Variants in NTM observed in about 807,000 individuals in gnomAD.
NTM encodes neurotrimin, also known as IgLON family member 2.
NTM carries 13 observed loss-of-function variants against 42.1 expected under a neutral mutation model. That is an observed-to-expected ratio of 0.31 (90% CI 0.20 to 0.49). The LOEUF (loss-of-function observed/expected upper bound fraction) is 0.49. NTM is among the 20% of genes least tolerant of loss of function. The pLI is 0.99. For synonymous variants in NTM, 187 were observed against 179.2 expected (o/e 1.04, Z -0.35); for missense variants, 373 against 452.8 (o/e 0.82, Z 1.60).
intron 3 of NTM, among the ~76,000 whole-genome samples, chr11:132,183,169 A>G (rs930099860): frequency 6.6e-6 from 1 of 152,196 alleles, no homozygotes; most frequent in Non-Finnish European, 1.5e-5. Flanking sequence ...AGACCAGCAC[A>G]TAGTAGTTGC....
At chr11:131,889,533 T>TA (rs546556194) in intron 1 of NTM, among the ~76,000 whole-genome samples, 8 of 151,656 alleles carry the variant, frequency 5.3e-5, no homozygotes, top group South Asian at 4.2e-4. Context: ...TGTGGGCCTT[T>TA]AAAAAAAAAT....
chr11:131,994,017 AAAG>A (rs58021603), intron 2 of NTM, among the ~76,000 whole-genome samples: 88 of 138,010 alleles, frequency 6.4e-4, no homozygotes, highest in East Asian at 2.7e-3. Flanking sequence ...AAAAAAAAAA[AAAG>A]AAGAAGAAGA....
At chr11:131,702,193 A>T (rs2076146121) in intron 1 of NTM, among the ~76,000 whole-genome samples, 1 of 152,104 alleles carries the variant, frequency 6.6e-6, no homozygotes, top group Admixed American at 6.5e-5. Flanking sequence ...TTCACCAGGG[A>T]TCGGCCCACA....
intron 1 of NTM, among the ~76,000 whole-genome samples, chr11:131,401,274 G>A (rs1418589479): frequency 6.6e-6 from 1 of 152,144 alleles, no homozygotes; most frequent in East Asian, 1.9e-4. Flanking sequence ...CCCATCAAGA[G>A]AGCTGTAGCA....
chr11:132,102,267 C>T (rs185208046), intron 2 of NTM, among the ~76,000 whole-genome samples: 62 of 152,252 alleles, frequency 4.1e-4, no homozygotes, highest in African/African-American at 1.5e-3. Flanking sequence ...CATCTCTATC[C>T]TATACTAGAG....
intron 1 of NTM, among the ~76,000 whole-genome samples, chr11:131,657,484 G>C (rs2067358913): frequency 6.6e-6 from 1 of 152,190 alleles, no homozygotes; most frequent in Non-Finnish European, 1.5e-5. Context: ...TTTGTTGATG[G>C]TCTCCACCAA....
intron 1 of NTM, among the ~76,000 whole-genome samples, chr11:131,451,154 A>T (rs1262871285): frequency 6.6e-6 from 1 of 152,246 alleles, no homozygotes; most frequent in Non-Finnish European, 1.5e-5. Flanking sequence ...GCCAAGAAAG[A>T]AAAATAACTA....
intron 1 of NTM, chr11:131,605,897 T>C (rs2060910676): frequency 3.1e-6 from 3 of 981,828 alleles, no homozygotes. Context: ...CTATTAATCA[T>C]TGTTTCAATT....
At chr11:131,758,866 A>G (rs2135778939) in intron 1 of NTM, among the ~76,000 whole-genome samples, 1 of 152,246 alleles carries the variant, frequency 6.6e-6, no homozygotes, top group Non-Finnish European at 1.5e-5. Flanking sequence ...TGCGAGGATT[A>G]CAGGCATGAC....
At chr11:131,840,448 G>T (rs372048787) in intron 1 of NTM, among the ~76,000 whole-genome samples, 67 of 152,250 alleles carry the variant, frequency 4.4e-4, no homozygotes, top group African/African-American at 1.6e-3. Flanking sequence ...CAAGTAAGAG[G>T]AGGTCTGAGG....
At chr11:132,276,618 G>A (rs1257068992) in intron 4 of NTM, among the ~76,000 whole-genome samples, 1 of 152,210 alleles carries the variant, frequency 6.6e-6, no homozygotes, top group Non-Finnish European at 1.5e-5. Context: ...GCAGGAGGTA[G>A]CTATGTGACC....
intron 2 of NTM, among the ~76,000 whole-genome samples, chr11:131,934,915 G>A (rs1398575839): frequency 6.6e-6 from 1 of 152,204 alleles, no homozygotes; most frequent in Non-Finnish European, 1.5e-5. Context: ...GGTCATCAGA[G>A]TGTTTCCAAT....
intron 7 of NTM, chr11:132,315,080 A>T: frequency 1.0e-6 from 1 of 982,754 alleles, no homozygotes. Context: ...ATGACATTTG[A>T]TTTTTTTTTT....
intron 1 of NTM, among the ~76,000 whole-genome samples, chr11:131,906,577 C>T (rs1380760441): frequency 6.6e-6 from 1 of 152,140 alleles, no homozygotes; most frequent in Non-Finnish European, 1.5e-5. Context: ...CCCAAAGACC[C>T]CTGGCTCTCA....
intron 2 of NTM, among the ~76,000 whole-genome samples, chr11:132,021,706 C>T (rs1204595843): frequency 6.6e-6 from 1 of 152,034 alleles, no homozygotes; most frequent in East Asian, 1.9e-4. Flanking sequence ...ATAGGTTGCC[C>T]CCCAGGACTG....
chr11:131,968,581 G>A (rs2063136898), intron 2 of NTM, among the ~76,000 whole-genome samples: 1 of 152,044 alleles, frequency 6.6e-6, no homozygotes, highest in Non-Finnish European at 1.5e-5. Flanking sequence ...TACCCATCTT[G>A]CCTGATCAGC....
intron 1 of NTM, among the ~76,000 whole-genome samples, chr11:131,467,415 T>A (rs1393146130): frequency 6.6e-6 from 1 of 152,220 alleles, no homozygotes; most frequent in Non-Finnish European, 1.5e-5. Context: ...TCAGCCCAGT[T>A]ACCCTGCCTC....
chr11:131,635,239 G>A (rs943926565), intron 1 of NTM, among the ~76,000 whole-genome samples: 2 of 152,174 alleles, frequency 1.3e-5, no homozygotes, highest in Admixed American at 1.3e-4. Context: ...CCTTAGGCAG[G>A]TCCTTCAGGA....
At chr11:131,891,826 T>G (rs1269143918) in intron 1 of NTM, among the ~76,000 whole-genome samples, 2 of 152,242 alleles carry the variant, frequency 1.3e-5, no homozygotes, top group Non-Finnish European at 2.9e-5. Flanking sequence ...ATGTCCCATT[T>G]TTTCACTGGG....
Sources: gnomAD v4.1 joint callset for allele counts (sites outside exome capture counted in the v4.1 genomes callset) on GRCh38, gnomAD v4.1.1 for gene constraint, MANE v1.5 for transcripts, NCBI Gene and HGNC (gene_info 2026-07-23, HGNC 2026-07-21) for gene names.